Variants in PIK3CG observed in about 807,000 individuals in gnomAD.
PIK3CG encodes the protein phosphatidylinositol 4,5-bisphosphate 3-kinase catalytic subunit gamma isoform.
A neutral mutation model predicts 102.3 loss-of-function variants in PIK3CG; 55 were observed. The ratio of observed to expected loss-of-function variants is 0.54; its 90% CI spans 0.43 to 0.67. PIK3CG has a LOEUF of 0.67. Among genes scored for constraint, PIK3CG ranks in the 30% least tolerant of loss-of-function variants. The pLI is 0.00. For synonymous variants in PIK3CG, 552 were observed against 540.0 expected, an observed-to-expected ratio of 1.02 and a Z score of -0.31; for missense variants, 1,258 against 1,391.8, an observed-to-expected ratio of 0.90 and a Z score of 1.53.
chr7:106,868,160 C>T lies in PIK3CG; in HGVS notation c.599C>T (p.Pro200Leu), dbSNP rs2116432321. The stretch of plus-strand genomic sequence containing the variant: ...GACCCCAAGCTCTACGCCATGCACC[C>T]GTGGGTGACGTCCAAGCCCCTCCCG... ...SRDPKLYAMH[P>L]WVTSKPLPEY... The change falls in exon 2 of 11, where the codon CCG (proline) becomes CTG (leucine). Residue 200 changes from proline (P) to leucine (L), a missense_variant. This residue lies in a region of PIK3CG where 832 missense variants were observed against 787.5 expected (regional missense o/e 1.06). Transcript: ENST00000496166. This position sits in a 1 kb window ranked among gnomAD's most constrained non-coding sequence, Gnocchi z 6.2. 2 of 1,612,992 alleles carry T rather than the reference C, an allele frequency of 1.2e-6. No individual in the cohort carries two copies. The highest frequency in any genetic ancestry group is 2.2e-5 in the South Asian group (2 of 91,084).
At position 106,869,272 on chromosome 7, in the gene PIK3CG, G is replaced by A. The variant is rs2116461855; in HGVS notation, c.1711G>A (p.Asp571Asn). 6.2e-7 allele frequency: 1 copy of A among 1,614,174 alleles called. No homozygotes were observed. The highest frequency in any genetic ancestry group is 8.5e-7 in the Non-Finnish European group (1 of 1,180,042). ...TDPLNPLTAE[D>N]KELLWHFRYE... is the part of the protein sequence containing the mutation. ...TCCACTTAACCCTCTCACAGCAGAGGACAAAGAATTGCTCTGGCATTTTAG... is the reference window on the plus strand; with the variant it reads ...TCCACTTAACCCTCTCACAGCAGAGAACAAAGAATTGCTCTGGCATTTTAG... Residue 571 changes from aspartate to asparagine, a missense_variant, in exon 2 of 11, where the codon GAC (aspartate) becomes AAC (asparagine). Physicochemically the swap from Asp to Asn is conservative, Grantham distance 23. Transcript: ENST00000496166. The surrounding 1 kb of genome is among the most constrained non-coding windows in gnomAD (Gnocchi z 5.3).
rs755456630 is a variant in PIK3CG at position 106,879,600 on chromosome 7, A to G, written c.2473A>G (p.Asn825Asp). The change falls in exon 6 of 11, where the codon AAT becomes GAT. Residue 825 changes from asparagine to aspartate, a missense_variant. Physicochemically the swap from Asn to Asp is conservative, Grantham distance 23 (BLOSUM62 1). This residue lies in a region of PIK3CG where 426 missense variants were observed against 604.2 expected (regional missense o/e 0.71). Transcript: ENST00000496166. The surrounding 1 kb of genome is among the most constrained non-coding windows in gnomAD (Gnocchi z 4.9). ...ATGTGCCGATCCTACAGCCCTATCA[A>G]ATGAAACAATTGGAATTATCTTTAA... is the stretch of plus-strand genomic sequence containing the variant. Reference protein sequence around the residue: ...FKCADPTALSNETIGIIFKHG... With the variant: ...FKCADPTALSDETIGIIFKHG... The G allele has an allele frequency of 1.2e-6, 2 of 1,613,012 alleles. No individual in the cohort carries two copies. Among genetic ancestry groups the G allele is most frequent in the Non-Finnish European group, 1.7e-6 (2 of 1,178,968 alleles).
rs1316868426 is a variant in PIK3CG at position 106,906,268 on chromosome 7, T to G, written c.*881T>G. The G allele has an allele frequency of 4.4e-6, 1 of 228,900 alleles. No individual in the cohort carries two copies. Among genetic ancestry groups the G allele is most frequent in the Non-Finnish European group, 8.6e-6 (1 of 115,672 alleles). 14.2% of individuals were successfully genotyped at this position (228,900 alleles called of 1,614,324 possible). On this transcript the variant is annotated 3_prime_UTR_variant, in exon 11 of 11. Coordinates refer to ENST00000496166, the MANE Select transcript of PIK3CG (RefSeq NM_001282426.2). The stretch of plus-strand genomic sequence containing the variant: ...AATCTTCAAGAACACCTTTACTCTA[T>G]AACTCAAAAATTAGTTGAAAAATAA...
Position 106,874,007 on chromosome 7 carries a change from ACTTC to A in PIK3CG, c.2288-692_2288-689del, listed in dbSNP as rs1790632167. ...TAGCACTATGGCTCATTACATAGAC[ACTTC>A]ATGTACTCAACCAGTATTTTAAACT... On this transcript the variant is annotated intron_variant, in intron 4 of 10. Transcript: ENST00000496166. This position sits in a 1 kb window ranked among gnomAD's most constrained non-coding sequence, Gnocchi z 4.3. Among the ~76,000 whole-genome samples, 1 of 152,134 alleles carries A rather than the reference ACTTC, an allele frequency of 6.6e-6. No homozygotes were observed. Among genetic ancestry groups the A allele is most frequent in the South Asian group, 2.1e-4 (1 of 4,836 alleles).
In PIK3CG at chr7:106,892,061, CTGTT is replaced by C. The variant is rs1791280941; in HGVS notation, c.3030+5774_3030+5777del. Among the ~76,000 whole-genome samples the C allele has an allele frequency of 2.0e-5, 3 of 152,120 alleles. No homozygotes were observed. Among genetic ancestry groups the C allele is most frequent in the East Asian group, 3.9e-4 (2 of 5,186 alleles). On this transcript the variant is annotated intron_variant, in intron 10 of 10. Coordinates refer to ENST00000496166, the MANE Select transcript of PIK3CG (RefSeq NM_001282426.2). This position sits in a 1 kb window ranked among gnomAD's most constrained non-coding sequence, Gnocchi z 5.2. ...TTCAGTTTCTCCACCAGAGGTCTCT[CTGTT>C]TGTTACCCAGCTGCTAGAACTAGGG...
At chr7:106,901,645 A>C (rs1037989717) in intron 10 of PIK3CG, among the ~76,000 whole-genome samples, 10 of 152,178 alleles carry the variant, frequency 6.6e-5, no homozygotes, top group Non-Finnish European at 1.2e-4. Flanking sequence ...TGGCCATTTG[A>C]GTCACGAGAG....
Position 106,872,442 on chromosome 7 carries a change from C to G in PIK3CG, c.1996-95C>G. On this transcript the variant is annotated intron_variant, in intron 2 of 10. Coordinates refer to ENST00000496166, the MANE Select transcript of PIK3CG (RefSeq NM_001282426.2). This position sits in a 1 kb window ranked among gnomAD's most constrained non-coding sequence, Gnocchi z 5.3. ...TTTCATCTTTCTAGCCGTGAAGACCCAGTAAAGCAGAGCACCAGTTCTTCT... is the reference window on the plus strand; with the variant it reads ...TTTCATCTTTCTAGCCGTGAAGACCGAGTAAAGCAGAGCACCAGTTCTTCT... The G allele has an allele frequency of 1.1e-6, 1 of 941,642 alleles. No homozygotes were observed. The highest frequency in any genetic ancestry group is 2.0e-5 in the Admixed American group (1 of 50,772). 58.3% of individuals were successfully genotyped at this position (941,642 alleles called of 1,614,324 possible). A position where few individuals can be genotyped will look rare whatever the true frequency, so the allele number is the denominator to read the frequency against.
intron 1 of PIK3CG, among the ~76,000 whole-genome samples, chr7:106,866,461 G>A (rs1171582843): frequency 6.6e-6 from 1 of 152,166 alleles, no homozygotes; most frequent in East Asian, 1.9e-4. Flanking sequence ...GTAGGTTAAT[G>A]AGAATAAATT....
Position 106,872,723 on chromosome 7 carries a change from T to G in PIK3CG, c.2072T>G (p.Ile691Ser), listed in dbSNP as rs745475345. ...TGTACCTGCCCTCAGAACAAAAGAATTGGTCACTTTTTGTTTTGGTTCTTG... is the reference window on the plus strand; with the variant it reads ...TGTACCTGCCCTCAGAACAAAAGAAGTGGTCACTTTTTGTTTTGGTTCTTG... ...LLKRGLRNKR[I>S]GHFLFWFLRS... is the part of the protein sequence containing the mutation. Residue 691 changes from isoleucine (I) to serine (S), a missense_variant, in exon 4 of 11, where the codon ATT (isoleucine) becomes AGT (serine). Ile to Ser is a moderately radical substitution (Grantham distance 142, BLOSUM62 -2). Coordinates refer to ENST00000496166, the MANE Select transcript of PIK3CG (RefSeq NM_001282426.2). This position sits in a 1 kb window ranked among gnomAD's most constrained non-coding sequence, Gnocchi z 5.3. The G allele has an allele frequency of 1.2e-6, 2 of 1,613,572 alleles. No homozygotes were observed.
chr7:106,905,482 G>C lies in PIK3CG; in HGVS notation c.*95G>C. 1 of 1,157,130 alleles carries C rather than the reference G, an allele frequency of 8.6e-7. No individual in the cohort carries two copies. Among genetic ancestry groups the C allele is most frequent in the Non-Finnish European group, 1.2e-6 (1 of 811,364 alleles). The allele number at this position is 1,157,130 out of a possible 1,614,324, so 71.7% of individuals were successfully genotyped here. On this transcript the variant is annotated 3_prime_UTR_variant, in exon 11 of 11. Coordinates refer to ENST00000496166, the MANE Select transcript of PIK3CG (RefSeq NM_001282426.2). This position sits in a 1 kb window ranked among gnomAD's most constrained non-coding sequence, Gnocchi z 5.6. ...GGATTTCAAATGCAATAGACATTGT[G>C]AAAGCTGGCATTTCAGAAGTATAGC...
rs1791572086 is a variant in PIK3CG, at chr7:106,902,069, T to A, written c.3031-3040T>A. On this transcript the variant is annotated intron_variant, in intron 10 of 10. Transcript: ENST00000496166. The surrounding 1 kb of genome is among the most constrained non-coding windows in gnomAD (Gnocchi z 4.3). ...AGCTCTTGTGTAATCTCAGTGTTTATGTTCCTTTCCCAACTTGGAGGCAGC... is the reference window on the plus strand; with the variant it reads ...AGCTCTTGTGTAATCTCAGTGTTTAAGTTCCTTTCCCAACTTGGAGGCAGC... Among the ~76,000 whole-genome samples the A allele has an allele frequency of 6.6e-6, 1 of 152,326 alleles. No individual in the cohort carries two copies. Among genetic ancestry groups the A allele is most frequent in the East Asian group, 1.9e-4 (1 of 5,190 alleles).
rs2116427835 is a variant in PIK3CG, at chr7:106,867,998, A to G, written c.437A>G (p.Glu146Gly). 6.2e-7 allele frequency: 1 copy of G among 1,612,010 alleles called. No homozygotes were observed. The highest frequency in any genetic ancestry group is 8.5e-7 in the Non-Finnish European group (1 of 1,178,898). ...GTGCAGCGGCACCCGCCCTCCGAGG[A>G]GTCCCAAGCCTTCCAGCGGCAGCTC... The part of the protein sequence containing the change: ...HLVQRHPPSE[E>G]SQAFQRQLTA... Residue 146 changes from glutamate (E) to glycine (G), a missense_variant, in exon 2 of 11, where the codon GAG becomes GGG. By Grantham distance (98) the Glu-to-Gly change is moderately conservative. This residue lies in a region of PIK3CG where 832 missense variants were observed against 787.5 expected (regional missense o/e 1.06). Coordinates refer to ENST00000496166, the MANE Select transcript of PIK3CG (RefSeq NM_001282426.2). The surrounding 1 kb of genome is among the most constrained non-coding windows in gnomAD (Gnocchi z 5.1).
rs992200473 is a variant in PIK3CG at position 106,891,202 on chromosome 7, C to T, written c.3030+4910C>T. Among the ~76,000 whole-genome samples, 1 of 152,172 alleles carries T rather than the reference C, an allele frequency of 6.6e-6. No individual in the cohort carries two copies. Among genetic ancestry groups the T allele is most frequent in the African/African-American group, 2.4e-5 (1 of 41,440 alleles). On this transcript the variant is annotated intron_variant, in intron 10 of 10. Transcript: ENST00000496166. The surrounding 1 kb of genome is among the most constrained non-coding windows in gnomAD (Gnocchi z 4.4). ...GCACCTTGTAGGGGAGGAGCTGGAT[C>T]AAACTGGATAACCTCTGGGGTGTCT...
rs1303188387 is a variant in PIK3CG, at chr7:106,894,651, G to A, written c.3030+8359G>A. On this transcript the variant is annotated intron_variant, in intron 10 of 10. Transcript: ENST00000496166. This position sits in a 1 kb window ranked among gnomAD's most constrained non-coding sequence, Gnocchi z 4.4. ...AAAATAAAATTCTCTGCCTTTGACT[G>A]GAATGATTTTTATCCATTGTCTCCT... is the stretch of plus-strand genomic sequence containing the variant. 6.6e-6 allele frequency among the ~76,000 whole-genome samples: 1 copy of A among 152,148 alleles called. No individual in the cohort carries two copies.
rs532607319 is a variant in PIK3CG at position 106,904,483 on chromosome 7, G to C, written c.3031-626G>C. 8.5e-5 allele frequency among the ~76,000 whole-genome samples: 13 copies of C among 152,256 alleles called. No homozygotes were observed. In the South Asian group the frequency reaches 2.7e-3, roughly 32 times the overall value. ...CTTAATAAGCAGACTTAGCTCACCT[G>C]TATCACCTGCTCCAAAGCTTTTTGG... On this transcript the variant is annotated intron_variant, in intron 10 of 10. Coordinates refer to ENST00000496166, the MANE Select transcript of PIK3CG (RefSeq NM_001282426.2).
chr7:106,886,693 A>C (rs576879896), intron 10 of PIK3CG, among the ~76,000 whole-genome samples: 7 of 152,164 alleles, frequency 4.6e-5, no homozygotes, highest in Non-Finnish European at 1.0e-4. Flanking sequence ...GAACTCACAA[A>C]AGGTTGTGAG....
At chr7:106,881,261 C>T (rs747757466) in intron 6 of PIK3CG, among the ~76,000 whole-genome samples, 5 of 152,068 alleles carry the variant, frequency 3.3e-5, no homozygotes, top group Non-Finnish European at 5.9e-5. Flanking sequence ...TTTGTTGGGG[C>T]ACATAGTTTG....
Position 106,906,541 on chromosome 7 carries a change from T to C in PIK3CG, c.*1154T>C, listed in dbSNP as rs1339456023. 2.2e-5 allele frequency: 5 copies of C among 230,540 alleles called. No individual in the cohort carries two copies. The highest frequency in any genetic ancestry group is 4.4e-5 in the African/African-American group (2 of 45,360). 14.3% of individuals were successfully genotyped at this position (230,540 alleles called of 1,614,324 possible). ...TATCCATTTCCCATTTAAAGGACTTTTAAACTTTGACACATCCTTCAGATT... is the reference window on the plus strand; with the variant it reads ...TATCCATTTCCCATTTAAAGGACTTCTAAACTTTGACACATCCTTCAGATT... On this transcript the variant is annotated 3_prime_UTR_variant, in exon 11 of 11. Coordinates refer to ENST00000496166, the MANE Select transcript of PIK3CG (RefSeq NM_001282426.2).
rs1584317026 is a variant in PIK3CG at position 106,868,538 on chromosome 7, T to G, written c.977T>G (p.Val326Gly). 1 of 1,614,088 alleles carries G rather than the reference T, an allele frequency of 6.2e-7. No homozygotes were observed. The highest frequency in any genetic ancestry group is 8.5e-7 in the Non-Finnish European group (1 of 1,180,022). ...DEVRKEEWPL[V>G]DDCTGVTGYH... ...GTGAGGAAGGAAGAGTGGCCACTGG[T>G]GGATGACTGCACGGGAGTCACCGGC... Residue 326 changes from valine (V) to glycine (G), a missense_variant, in exon 2 of 11, where the codon GTG becomes GGG. Val to Gly is a moderately radical substitution (Grantham distance 109). Around this residue, in one of 2 missense-constraint regions of PIK3CG, gnomAD observed 832 missense variants for 787.5 expected, o/e 1.06. Transcript: ENST00000496166. This position sits in a 1 kb window ranked among gnomAD's most constrained non-coding sequence, Gnocchi z 6.2.
Sources: gnomAD v4.1 joint callset for allele counts (sites outside exome capture counted in the v4.1 genomes callset) on GRCh38, gnomAD v4.1.1 for gene constraint, gnomAD v4.1.1 regional missense constraint, Gnocchi (gnomAD v3.1) non-coding constraint, MANE v1.5 for transcripts, NCBI Gene and HGNC (gene_info 2026-07-23, HGNC 2026-07-21) for gene names.